CADM2: variants seen among roughly 807,000 people sequenced by gnomAD.
The protein encoded by CADM2 is immunoglobulin superfamily member 4D.
A neutral mutation model predicts 49.8 loss-of-function variants in CADM2; 12 were observed. The ratio of observed to expected loss-of-function variants is 0.24; its 90% CI spans 0.15 to 0.39. The LOEUF (loss-of-function observed/expected upper bound fraction) is 0.39, where lower values mean the gene tolerates loss of function less well. CADM2 is among the 10% of genes least tolerant of loss of function. CADM2 has a pLI of 1.00. For synonymous variants in CADM2, 214 were observed against 175.4 expected, an observed-to-expected ratio of 1.22 and a Z score of -1.74; for missense variants, 378 against 492.3, an observed-to-expected ratio of 0.77 and a Z score of 2.20.
At chr3:85,419,621 A>G (rs1487478511) in intron 1 of CADM2, among the ~76,000 whole-genome samples, 1 of 152,074 alleles carries the variant, frequency 6.6e-6, no homozygotes, top group African/African-American at 2.4e-5. Context: ...AAAGAGACCC[A>G]TTTTTCTCTT....
intron 8 of CADM2, among the ~76,000 whole-genome samples, chr3:86,039,446 T>TCAGAGGGTCCCACGCCC: frequency 6.6e-6 from 1 of 152,316 alleles, no homozygotes; most frequent in South Asian, 2.1e-4. Flanking sequence ...ATCCCACGCC[T>TCAGAGGGTCCCACGCCC]GGCTCAGAGG....
At chr3:86,033,067 C>T (rs1734737492) in intron 8 of CADM2, among the ~76,000 whole-genome samples, 1 of 151,772 alleles carries the variant, frequency 6.6e-6, no homozygotes, top group Admixed American at 6.6e-5. Flanking sequence ...CTTTCCCCAC[C>T]TCATGCTGCC....
At chr3:85,009,598 G>A (rs1344419872) in intron 1 of CADM2, among the ~76,000 whole-genome samples, 1 of 152,090 alleles carries the variant, frequency 6.6e-6, no homozygotes, top group Non-Finnish European at 1.5e-5. Flanking sequence ...GAGCTCAGTG[G>A]CTCACCCCTG....
At chr3:86,018,651 G>GT (rs1666846983) in intron 8 of CADM2, among the ~76,000 whole-genome samples, 1 of 152,182 alleles carries the variant, frequency 6.6e-6, no homozygotes, top group African/African-American at 2.4e-5. Flanking sequence ...TTTTTCATGT[G>GT]TTTTTTGGCT....
chr3:85,961,701 T>C, intron 8 of CADM2, 54 bp downstream of exon 8: 3 of 1,317,468 alleles, frequency 2.3e-6, no homozygotes, highest in Non-Finnish European at 3.1e-6. Flanking sequence ...CTTGAAAAAC[T>C]ATTTAAATAT....
At chr3:85,963,825 G>T (rs1393685292) in intron 8 of CADM2, among the ~76,000 whole-genome samples, 3 of 151,790 alleles carry the variant, frequency 2.0e-5, no homozygotes, top group Admixed American at 1.3e-4. Flanking sequence ...AGCACTTTGT[G>T]AGAAGTCATT....
At chr3:85,708,450 C>T (rs2067015475) in intron 1 of CADM2, among the ~76,000 whole-genome samples, 1 of 152,064 alleles carries the variant, frequency 6.6e-6, no homozygotes, top group Non-Finnish European at 1.5e-5. Flanking sequence ...AAGCCGCAGT[C>T]TTTAGTTTGT....
intron 1 of CADM2, among the ~76,000 whole-genome samples, chr3:84,978,799 T>C (rs1367595624): frequency 6.6e-6 from 1 of 152,146 alleles, no homozygotes; most frequent in African/African-American, 2.4e-5. Flanking sequence ...TAATAGGCCA[T>C]AGGGGAAATT....
At chr3:85,561,978 A>T (rs2062108355) in intron 1 of CADM2, among the ~76,000 whole-genome samples, 1 of 152,128 alleles carries the variant, frequency 6.6e-6, no homozygotes, top group Non-Finnish European at 1.5e-5. Flanking sequence ...AAAAATCTAA[A>T]GTTAATTTTA....
At chr3:85,955,080 T>C (rs1370001837) in intron 7 of CADM2, among the ~76,000 whole-genome samples, 1 of 151,422 alleles carries the variant, frequency 6.6e-6, no homozygotes, top group Non-Finnish European at 1.5e-5. Flanking sequence ...TTACTGACTA[T>C]ATGATTCTGC....
intron 1 of CADM2, among the ~76,000 whole-genome samples, chr3:85,432,225 A>G (rs960998315): frequency 2.0e-5 from 3 of 152,038 alleles, no homozygotes; most frequent in Non-Finnish European, 4.4e-5. Context: ...CAGAAGTATC[A>G]GTCCATTCAG....
At chr3:85,355,653 T>A in intron 1 of CADM2, among the ~76,000 whole-genome samples, 1 of 151,930 alleles carries the variant, frequency 6.6e-6, no homozygotes, top group East Asian at 1.9e-4. Flanking sequence ...AAGGAAAAAA[T>A]AAAATCGCGA....
At chr3:85,860,767 G>T (rs1185401616) in intron 3 of CADM2, among the ~76,000 whole-genome samples, 1 of 152,120 alleles carries the variant, frequency 6.6e-6, no homozygotes, top group East Asian at 1.9e-4. Flanking sequence ...TTCCACATAT[G>T]AAATTTGGAG....
intron 1 of CADM2, among the ~76,000 whole-genome samples, chr3:85,194,785 T>C (rs1487608013): frequency 6.6e-6 from 1 of 152,076 alleles, no homozygotes; most frequent in East Asian, 1.9e-4. Context: ...AGAAGTGTCG[T>C]GATCCCATTA....
intron 1 of CADM2, among the ~76,000 whole-genome samples, chr3:85,451,398 G>A (rs1034411015): frequency 6.6e-5 from 10 of 151,994 alleles, no homozygotes; most frequent in South Asian, 2.1e-4. Flanking sequence ...TGACCTTTTC[G>A]TAACCATTCA....
chr3:85,494,661 G>T (rs2107653244), intron 1 of CADM2, among the ~76,000 whole-genome samples: 1 of 152,226 alleles, frequency 6.6e-6, no homozygotes. Context: ...GACACATTAA[G>T]CCATCATTTC....
chr3:85,608,000 A>G (rs1275807578), intron 1 of CADM2, among the ~76,000 whole-genome samples: 1 of 152,052 alleles, frequency 6.6e-6, no homozygotes, highest in African/African-American at 2.4e-5. Flanking sequence ...GAAACAAATA[A>G]TTTCTGAATT....
At chr3:86,053,172 A>C (rs1331880985) in intron 8 of CADM2, among the ~76,000 whole-genome samples, 1 of 152,210 alleles carries the variant, frequency 6.6e-6, no homozygotes, top group Admixed American at 6.5e-5. Flanking sequence ...TAACAGATCC[A>C]AAATTAAGTG....
At chr3:85,105,595 T>A (rs1208687218) in intron 1 of CADM2, among the ~76,000 whole-genome samples, 5 of 152,164 alleles carry the variant, frequency 3.3e-5, no homozygotes, top group African/African-American at 4.8e-5. Flanking sequence ...CATTACTGGG[T>A]ATATACCCAA....
Sources: gnomAD v4.1 joint callset for allele counts (sites outside exome capture counted in the v4.1 genomes callset) on GRCh38, gnomAD v4.1.1 for gene constraint, MANE v1.5 for transcripts, NCBI Gene and HGNC (gene_info 2026-07-23, HGNC 2026-07-21) for gene names.